The following PTPRM variants were observed in gnomAD, a reference collection of about 807,000 sequenced individuals.
The protein encoded by PTPRM is receptor-type tyrosine-protein phosphatase mu.
PTPRM carries 47 observed loss-of-function variants against 186.7 expected under a neutral mutation model. The observed-to-expected ratio is 0.25, with a 90% confidence interval of 0.20 to 0.32. The LOEUF is 0.32. Among genes scored for constraint, PTPRM ranks in the 10% least tolerant of loss-of-function variants. The pLI, the probability that PTPRM is intolerant of heterozygous loss-of-function variation, is 1.00. For synonymous variants in PTPRM, 668 were observed against 674.9 expected (o/e 0.99, Z 0.16); for missense variants, 1,494 against 1,865.0 (o/e 0.80, Z 3.66).
intron 7 of PTPRM, among the ~76,000 whole-genome samples, chr18:8,027,950 A>G (rs16952755): frequency 0.077 from 11,702 of 151,814 alleles, 533 homozygotes; most frequent in Middle Eastern, 0.28. Context: ...GTTATCTCCT[A>G]TCACTGTCCC....
intron 1 of PTPRM, among the ~76,000 whole-genome samples, chr18:7,653,572 C>T (rs1016210205): frequency 6.6e-6 from 1 of 152,032 alleles, no homozygotes; most frequent in Non-Finnish European, 1.5e-5. Flanking sequence ...ACATGTTTTA[C>T]TTGGTTTTCT....
intron 8 of PTPRM, among the ~76,000 whole-genome samples, chr18:8,071,902 G>T (rs1253737247): frequency 6.6e-6 from 1 of 152,168 alleles, no homozygotes; most frequent in Non-Finnish European, 1.5e-5. Context: ...GATCTGAGAA[G>T]TGAGAATAAT....
At chr18:7,809,366 C>G (rs575716751) in intron 2 of PTPRM, among the ~76,000 whole-genome samples, 10 of 152,270 alleles carry the variant, frequency 6.6e-5, no homozygotes, top group African/African-American at 2.4e-4. Flanking sequence ...GGTCACCAGG[C>G]ACACAGGAAG....
chr18:8,310,194 G>C (rs1480565040), intron 20 of PTPRM, among the ~76,000 whole-genome samples: 48 of 151,790 alleles, frequency 3.2e-4, no homozygotes. Flanking sequence ...ATACCCCTCA[G>C]ATTCAGCCCT....
rs373315794 is a variant in PTPRM, at chr18:7,820,992, C to T, written c.196+46721C>T. On this transcript the variant is annotated intron_variant, in intron 2 of 32. Coordinates refer to ENST00000580170, the MANE Select transcript of PTPRM (RefSeq NM_001105244.2). The stretch of plus-strand genomic sequence containing the variant: ...TGCCCCCCAAGGACTGGGAGAGTTC[C>T]ACAAGTCAGCCTGCCTTGTGGAGCT... Among the ~76,000 whole-genome samples the T allele has an allele frequency of 1.4e-4, 22 of 152,218 alleles. No individual in the cohort carries two copies. The East Asian group carries it at 2.9e-3, about 20-fold the overall frequency.
At chr18:7,579,022 T>C (rs1385668598) in intron 1 of PTPRM, among the ~76,000 whole-genome samples, 4 of 152,160 alleles carry the variant, frequency 2.6e-5, no homozygotes, top group Admixed American at 6.5e-5. Context: ...GTCCAAGGCT[T>C]TGATAGTTGT....
intron 2 of PTPRM, among the ~76,000 whole-genome samples, chr18:7,858,593 T>A (rs1017325265): frequency 6.6e-6 from 1 of 152,138 alleles, no homozygotes; most frequent in East Asian, 1.9e-4. Flanking sequence ...AGAGGGAAAC[T>A]TCTAGTTTTA....
At chr18:7,644,719 T>C (rs1250876300) in intron 1 of PTPRM, among the ~76,000 whole-genome samples, 1 of 151,768 alleles carries the variant, frequency 6.6e-6, no homozygotes. Flanking sequence ...GTAGAGGAAA[T>C]CTAAGTAGGA....
chr18:7,600,633 T>C (rs1488148240), intron 1 of PTPRM, among the ~76,000 whole-genome samples: 1 of 152,206 alleles, frequency 6.6e-6, no homozygotes, highest in Non-Finnish European at 1.5e-5. Flanking sequence ...CCTGAAGGAC[T>C]TGGTTCCCTT....
intron 14 of PTPRM, among the ~76,000 whole-genome samples, chr18:8,160,279 A>G (rs1373083634): frequency 6.6e-6 from 1 of 151,962 alleles, no homozygotes; most frequent in African/African-American, 2.4e-5. Flanking sequence ...TATTCTTTTT[A>G]TGTATTTTCT....
intron 19 of PTPRM, among the ~76,000 whole-genome samples, chr18:8,256,605 A>G (rs528826707): frequency 2.7e-4 from 41 of 152,330 alleles, no homozygotes; most frequent in African/African-American, 9.9e-4. Flanking sequence ...TGCGCATAGC[A>G]GTCTGAGGAT....
intron 2 of PTPRM, among the ~76,000 whole-genome samples, chr18:7,822,616 T>C (rs771739885): frequency 1.3e-5 from 2 of 152,218 alleles, no homozygotes; most frequent in Non-Finnish European, 2.9e-5. Context: ...TTGTTCTGCA[T>C]TGTCATTTTT....
chr18:8,252,807 G>A (rs943971582), intron 18 of PTPRM, among the ~76,000 whole-genome samples: 9 of 152,082 alleles, frequency 5.9e-5, no homozygotes, highest in African/African-American at 2.2e-4. Context: ...ACCATTTTGT[G>A]CACTTTTATT....
intron 11 of PTPRM, among the ~76,000 whole-genome samples, chr18:8,107,233 A>T (rs1055457194): frequency 6.6e-6 from 1 of 152,230 alleles, no homozygotes; most frequent in African/African-American, 2.4e-5. Context: ...TGTTAAAAGC[A>T]GGAGACATCA....
In PTPRM at chr18:8,339,533, G is replaced by T. The variant is rs192857274; in HGVS notation, c.2957-3890G>T. ...AGAGGGAGGCTTTTCAGAGCTCCTT[G>T]CTCTGAAAAATCTTGGGAGTTTGTT... On this transcript the variant is annotated intron_variant, in intron 22 of 32. Transcript: ENST00000580170. Among the ~76,000 whole-genome samples the T allele has an allele frequency of 1.4e-4, 22 of 152,232 alleles. No homozygotes were observed. In the South Asian group the frequency reaches 3.5e-3, roughly 24 times the overall value.
intron 7 of PTPRM, among the ~76,000 whole-genome samples, chr18:8,062,917 C>T (rs1568274840): frequency 6.9e-6 from 1 of 144,266 alleles, no homozygotes; most frequent in African/African-American, 2.7e-5. Flanking sequence ...TTTTGTTTGT[C>T]TGTGCCCTGC....
intron 7 of PTPRM, among the ~76,000 whole-genome samples, chr18:7,974,580 G>A (rs1471630263): frequency 6.6e-6 from 1 of 152,192 alleles, no homozygotes; most frequent in African/African-American, 2.4e-5. Flanking sequence ...CCATAGGTAA[G>A]GCACCCTTTA....
At chr18:8,147,237 G>C (rs927328247) in intron 14 of PTPRM, among the ~76,000 whole-genome samples, 1 of 152,182 alleles carries the variant, frequency 6.6e-6, no homozygotes, top group African/African-American at 2.4e-5. Flanking sequence ...ATTACTTTGG[G>C]CAGTCTGGCC....
At chr18:8,179,873 C>G (rs1390433049) in intron 14 of PTPRM, among the ~76,000 whole-genome samples, 1 of 152,152 alleles carries the variant, frequency 6.6e-6, no homozygotes, top group Non-Finnish European at 1.5e-5. Context: ...ACCTTCCTTA[C>G]CAAAAATACC....
Sources: allele counts gnomAD v4.1 joint callset (sites outside exome capture counted in the v4.1 genomes callset), GRCh38; gene constraint gnomAD v4.1.1; transcripts MANE v1.5; gene names NCBI Gene and HGNC (gene_info 2026-07-23, HGNC 2026-07-21).